MBTPS1: variants seen among roughly 807,000 people sequenced by gnomAD.
The protein encoded by MBTPS1 is membrane-bound transcription factor site-1 protease.
A neutral mutation model predicts 127.8 loss-of-function variants in MBTPS1; 94 were observed. The ratio of observed to expected loss-of-function variants is 0.74; its 90% CI spans 0.62 to 0.87. The LOEUF is 0.87. Ranked by LOEUF, MBTPS1 falls within the 40% of genes least tolerant of loss-of-function variation. The pLI, the probability that MBTPS1 is intolerant of heterozygous loss-of-function variation, is 0.00. For missense variants in MBTPS1, 1,636 were observed against 1,353.2 expected (o/e 1.21, Z -3.28); for synonymous variants, 632 against 509.4 (o/e 1.24, Z -3.24).
chr16:84,087,815 T>C (rs1016201899), intron 8 of MBTPS1, among the ~76,000 whole-genome samples: 1 of 152,200 alleles, frequency 6.6e-6, no homozygotes. Context: ...AATCACAATT[T>C]ATCACCTAAC....
At position 84,081,736 on chromosome 16, in the gene MBTPS1, G is replaced by A. The variant is rs1429886540; in HGVS notation, c.1448+11C>T. The A allele has an allele frequency of 5.1e-6, 7 of 1,363,674 alleles. No homozygotes were observed. The African/African-American group carries it at 6.0e-5, about 12-fold the overall frequency. 84.5% of individuals were successfully genotyped at this position (1,363,674 alleles called of 1,614,324 possible). A position where few individuals can be genotyped will look rare whatever the true frequency, so the allele number is the denominator to read the frequency against. The stretch of plus-strand genomic sequence containing the variant: ...GGAGAGAAAGACCCATCGGCAGGGC[G>A]GTGCACTGACCTTGCCTGTGGCTTG... On this transcript the variant is annotated intron_variant, in intron 11 of 22. Transcript: ENST00000343411.
rs772837839 is a variant in MBTPS1, at chr16:84,090,882, G to A, written c.1024C>T (p.Leu342Phe). 6.2e-7 allele frequency: 1 copy of A among 1,612,346 alleles called. No individual in the cohort carries two copies. Among genetic ancestry groups the A allele is most frequent in the Non-Finnish European group, 8.5e-7 (1 of 1,179,024 alleles). Residue 342 changes from leucine (L) to phenylalanine (F), a missense_variant, in exon 8 of 23, where the codon CTT becomes TTT. Coordinates refer to ENST00000343411, the MANE Select transcript of MBTPS1 (RefSeq NM_003791.4). ...MVSAIGNDGP[L>F]YGTLNNPADQ... is the part of the protein sequence containing the mutation. ...CCTGCTGGGGCTACTTACCCATAAA[G>A]AGGTCCGTCATTGCCAATAGCAGAA...
Position 84,070,595 on chromosome 16 carries a change from TC to T in MBTPS1, c.1774del (p.Glu592ArgfsTer14). On this transcript the variant is annotated frameshift_variant, in exon 13 of 23. Transcript: ENST00000343411. LOFTEE classifies it high-confidence loss of function. ...HVMITVASPA[E>X]TESKNGAEQT... Reference sequence around the variant, plus strand: ...TTTCCCGCATATCCCTACCTCTGTCTCTGCTGGGGAAGCCACAGTGATCATG... The same window carrying T: ...TTTCCCGCATATCCCTACCTCTGTCTTGCTGGGGAAGCCACAGTGATCATG... 1 of 1,611,694 alleles carries T rather than the reference TC, an allele frequency of 6.2e-7. No homozygotes were observed. The highest frequency in any genetic ancestry group is 8.5e-7 in the Non-Finnish European group (1 of 1,179,598).
At chr16:84,060,065 G>A (rs957315880) in intron 20 of MBTPS1, 1 of 152,720 alleles carries the variant, frequency 6.5e-6, no homozygotes, top group Non-Finnish European at 1.5e-5. Flanking sequence ...GCGCTGTAAG[G>A]ACCAGCACAC....
At position 84,070,783 on chromosome 16, in the gene MBTPS1, G is replaced by GA; in HGVS notation, c.1594-8dup. 1 of 1,594,330 alleles carries GA rather than the reference G, an allele frequency of 6.3e-7. No homozygotes were observed. The highest frequency in any genetic ancestry group is 8.5e-7 in the Non-Finnish European group (1 of 1,170,660). ...AATAGGGCTGCCAGTCAGGCTGCAG[G>GA]AAAAAGAAATCAGACAAAGGCTAAA... On this transcript the variant is annotated splice_region_variant and splice_polypyrimidine_tract_variant and intron_variant, in intron 12 of 22. Transcript: ENST00000343411.
At chr16:84,102,364 G>A (rs1016185768) in intron 1 of MBTPS1, among the ~76,000 whole-genome samples, 1 of 151,898 alleles carries the variant, frequency 6.6e-6, no homozygotes, top group African/African-American at 2.4e-5. Flanking sequence ...GAGATATCCT[G>A]GTTTTAAGAC....
intron 2 of MBTPS1, among the ~76,000 whole-genome samples, chr16:84,100,908 A>C (rs965287202): frequency 6.7e-6 from 1 of 150,188 alleles, no homozygotes; most frequent in African/African-American, 2.5e-5. Flanking sequence ...TAATCCCAGC[A>C]CTTTGGGAGG....
chr16:84,069,162 T>C (rs909460146), intron 14 of MBTPS1, among the ~76,000 whole-genome samples: 3 of 152,366 alleles, frequency 2.0e-5, no homozygotes, highest in South Asian at 2.1e-4. Context: ...CATCTTTCAA[T>C]GCTTCCCCTT....
chr16:84,095,282 G>GT (rs1388324630), intron 4 of MBTPS1, among the ~76,000 whole-genome samples: 2 of 152,206 alleles, frequency 1.3e-5, no homozygotes, highest in Admixed American at 1.3e-4. Flanking sequence ...GCTCGTTTGT[G>GT]TATGTGTCAA....
intron 1 of MBTPS1, among the ~76,000 whole-genome samples, chr16:84,104,928 C>G (rs977746757): frequency 6.9e-6 from 1 of 145,066 alleles, no homozygotes; most frequent in Non-Finnish European, 1.5e-5. Context: ...ACCAACCAAC[C>G]GACCCAAAAA....
chr16:84,059,285 C>T lies in MBTPS1; in HGVS notation c.2831+17G>A, dbSNP rs140188682. On this transcript the variant is annotated intron_variant, in intron 21 of 22. Coordinates refer to ENST00000343411, the MANE Select transcript of MBTPS1 (RefSeq NM_003791.4). ...AAGCCCCGTGGAAAGAGTGGAAGGG[C>T]ACAGGCGGACACTAACCTGGGCGCC... The T allele has an allele frequency of 2.1e-4, 338 of 1,609,164 alleles. 1 individual carries two copies. In the African/African-American group the frequency reaches 4.2e-3, roughly 20 times the overall value.
At chr16:84,091,320 T>C (rs532428905) in intron 7 of MBTPS1, among the ~76,000 whole-genome samples, 1 of 152,070 alleles carries the variant, frequency 6.6e-6, no homozygotes, top group East Asian at 1.9e-4. Flanking sequence ...ACCCCGTCTC[T>C]ACTAAAAATA....
rs139047420 is a variant in MBTPS1, at chr16:84,074,740, A to T, written c.1450T>A (p.Leu484Met). 8.7e-6 allele frequency: 14 copies of T among 1,612,836 alleles called. No homozygotes were observed. In the African/African-American group the frequency reaches 1.7e-4, roughly 20 times the overall value. The part of the protein sequence containing the change: ...ILNSYKPQAS[L>M]SPSYIDLTEC... ...GTCAGATCTATGTAGCTGGGGCTCA[A>T]ACTGAAATAAAGAATACAGTGTTAG... The change falls in exon 12 of 23, where the codon TTG becomes ATG. Residue 484 changes from leucine to methionine, a missense_variant and splice_region_variant. Leu to Met is a conservative substitution (Grantham distance 15, BLOSUM62 2). Coordinates refer to ENST00000343411, the MANE Select transcript of MBTPS1 (RefSeq NM_003791.4).
intron 1 of MBTPS1, among the ~76,000 whole-genome samples, chr16:84,109,283 C>T (rs1338852874): frequency 1.3e-5 from 2 of 152,142 alleles, no homozygotes; most frequent in Admixed American, 6.5e-5. Flanking sequence ...TAACAAAATC[C>T]GGGACAATCT....
chr16:84,059,169 A>G, intron 21 of MBTPS1, 133 bp downstream of exon 21: 1 of 1,212,160 alleles, frequency 8.2e-7, no homozygotes, highest in East Asian at 2.4e-5. Flanking sequence ...TCACTAAATA[A>G]CTGTCGCAAA....
chr16:84,054,981 A>C (rs904005146), intron 22 of MBTPS1, among the ~76,000 whole-genome samples: 9 of 152,282 alleles, frequency 5.9e-5, no homozygotes, highest in Admixed American at 5.2e-4. Flanking sequence ...GTGTTTCTCT[A>C]AACACAAGGG....
At chr16:84,110,200 CAATT>C (rs1399376622) in intron 1 of MBTPS1, among the ~76,000 whole-genome samples, 5 of 152,180 alleles carry the variant, frequency 3.3e-5, no homozygotes, top group African/African-American at 4.8e-5. Context: ...TTACACTCAT[CAATT>C]GTTACGTAGA....
intron 1 of MBTPS1, among the ~76,000 whole-genome samples, chr16:84,114,234 T>C (rs1330449081): frequency 6.6e-6 from 1 of 152,068 alleles, no homozygotes; most frequent in Non-Finnish European, 1.5e-5. Context: ...GTGCTGGGAT[T>C]ACAGGCGTGA....
chr16:84,060,473 G>A lies in MBTPS1; in HGVS notation c.2704+209C>T, dbSNP rs916063793. On this transcript the variant is annotated intron_variant, in intron 20 of 22. Coordinates refer to ENST00000343411, the MANE Select transcript of MBTPS1 (RefSeq NM_003791.4). ...ACGTGGGAAAGCAGCTGCACACTGG[G>A]TCCTCGATCATGGCCCTCTGGGGAC... 16 of 537,646 alleles carry A rather than the reference G, an allele frequency of 3.0e-5. No individual in the cohort carries two copies. The African/African-American group carries it at 3.0e-4, about 10-fold the overall frequency. 33.3% of individuals were successfully genotyped at this position (537,646 alleles called of 1,614,324 possible). A position where few individuals can be genotyped will look rare whatever the true frequency, so the allele number is the denominator to read the frequency against.
Sources: gnomAD v4.1 joint callset for allele counts (sites outside exome capture counted in the v4.1 genomes callset) on GRCh38, gnomAD v4.1.1 for gene constraint, MANE v1.5 for transcripts, NCBI Gene and HGNC (gene_info 2026-07-23, HGNC 2026-07-21) for gene names.